The following CCSER1 variants were observed in gnomAD, a reference collection of about 807,000 sequenced individuals.
CCSER1 encodes serine-rich coiled-coil domain-containing protein 1.
A neutral mutation model predicts 82.0 loss-of-function variants in CCSER1; 41 were observed. The ratio of observed to expected loss-of-function variants is 0.50; its 90% CI spans 0.39 to 0.65. CCSER1 has a LOEUF of 0.65. CCSER1 is among the 30% of genes least tolerant of loss of function. The pLI is 0.00. For missense variants in CCSER1, 1,119 were observed against 1,064.2 expected (o/e 1.05, Z -0.72); for synonymous variants, 414 against 383.9 (o/e 1.08, Z -0.92).
intron 10 of CCSER1, among the ~76,000 whole-genome samples, chr4:91,403,406 C>T (rs1752473185): frequency 6.6e-6 from 1 of 152,082 alleles, no homozygotes; most frequent in Non-Finnish European, 1.5e-5. Flanking sequence ...TGCCTGACTG[C>T]CCTGGGCAGA....
intron 10 of CCSER1, among the ~76,000 whole-genome samples, chr4:91,446,198 T>G (rs1309293678): frequency 3.0e-5 from 2 of 67,406 alleles, no homozygotes; most frequent in African/African-American, 7.2e-5. Flanking sequence ...TTAAAAAGTT[T>G]TATTCCTCAT....
At chr4:91,466,797 G>A (rs1756939070) in intron 10 of CCSER1, among the ~76,000 whole-genome samples, 1 of 152,120 alleles carries the variant, frequency 6.6e-6, no homozygotes, top group Non-Finnish European at 1.5e-5. Flanking sequence ...CAACTTACAA[G>A]GGATGTGAAG....
chr4:90,143,603 A>G (rs1023354843), intron 1 of CCSER1, among the ~76,000 whole-genome samples: 1 of 152,018 alleles, frequency 6.6e-6, no homozygotes, highest in Non-Finnish European at 1.5e-5. Flanking sequence ...TATTGAATAA[A>G]TTAACTTTTC....
intron 3 of CCSER1, among the ~76,000 whole-genome samples, chr4:90,343,821 G>A (rs1741852153): frequency 1.3e-5 from 2 of 152,048 alleles, no homozygotes; most frequent in African/African-American, 2.4e-5. Flanking sequence ...GGCATGCAAT[G>A]TGTAAGAATC....
chr4:91,106,911 A>G (rs983342943), intron 10 of CCSER1, among the ~76,000 whole-genome samples: 1 of 152,232 alleles, frequency 6.6e-6, no homozygotes, highest in African/African-American at 2.4e-5. Flanking sequence ...TCAATCAAAT[A>G]TAGCCGTGTG....
intron 9 of CCSER1, among the ~76,000 whole-genome samples, chr4:91,048,119 A>G (rs1456755607): frequency 6.6e-6 from 1 of 152,008 alleles, no homozygotes; most frequent in Non-Finnish European, 1.5e-5. Flanking sequence ...CTGTGTAGCT[A>G]TTTAAGAGGT....
chr4:90,727,616 C>T (rs751748354), intron 7 of CCSER1, among the ~76,000 whole-genome samples: 14 of 152,058 alleles, frequency 9.2e-5, no homozygotes, highest in Non-Finnish European at 2.1e-4. Flanking sequence ...CACTACATTT[C>T]ACTGTTCTTT....
intron 10 of CCSER1, among the ~76,000 whole-genome samples, chr4:91,152,908 G>A (rs1023723566): frequency 6.6e-6 from 1 of 151,798 alleles, no homozygotes; most frequent in Non-Finnish European, 1.5e-5. Context: ...TTCCCTATTT[G>A]GGTAACCCAT....
At chr4:91,296,483 A>ATATATATATATATATATTATTTATT (rs1175690764) in intron 10 of CCSER1, among the ~76,000 whole-genome samples, 2 of 124,064 alleles carry the variant, frequency 1.6e-5, no homozygotes, top group African/African-American at 3.4e-5. Context: ...ATATATATAT[A>ATATATATATATATATATTATTTATT]TATTTTAATT....
chr4:91,005,486 C>T (rs527795374), intron 9 of CCSER1, among the ~76,000 whole-genome samples: 8 of 152,106 alleles, frequency 5.3e-5, no homozygotes, highest in African/African-American at 1.7e-4. Context: ...GATTGTTAAA[C>T]ACTAAAAGCA....
intron 10 of CCSER1, among the ~76,000 whole-genome samples, chr4:91,287,609 T>G (rs1364547025): frequency 6.6e-6 from 1 of 152,016 alleles, no homozygotes; most frequent in Non-Finnish European, 1.5e-5. Flanking sequence ...CAATGCCTAC[T>G]TGACTGTGCA....
chr4:90,564,277 A>C (rs1279048895), intron 5 of CCSER1, among the ~76,000 whole-genome samples: 2 of 152,090 alleles, frequency 1.3e-5, no homozygotes, highest in Non-Finnish European at 2.9e-5. Context: ...GCTGGTCTTG[A>C]ACTCTGGGCC....
In CCSER1 at chr4:90,964,461, TC is replaced by T. The variant is rs1240780174; in HGVS notation, c.2172+41015del. 2.0e-5 allele frequency among the ~76,000 whole-genome samples: 3 copies of T among 152,126 alleles called. No homozygotes were observed. In the South Asian group the frequency reaches 6.2e-4, roughly 32 times the overall value. On this transcript the variant is annotated intron_variant, in intron 9 of 10. Coordinates refer to ENST00000509176, the MANE Select transcript of CCSER1 (RefSeq NM_001145065.2). ...ACAAGGATAGGCCAGGCGTGGTGGC[TC>T]ACACTTGTAATCCCACACTTTGGGA...
chr4:90,998,095 T>A (rs1737659885), intron 9 of CCSER1, among the ~76,000 whole-genome samples: 2 of 152,180 alleles, frequency 1.3e-5, no homozygotes, highest in African/African-American at 4.8e-5. Context: ...TATTTCTTTT[T>A]TTGAGATACA....
intron 5 of CCSER1, among the ~76,000 whole-genome samples, chr4:90,557,734 G>A (rs1386267073): frequency 1.3e-5 from 2 of 152,062 alleles, no homozygotes; most frequent in African/African-American, 4.8e-5. Flanking sequence ...AGCAAACTCT[G>A]AAGGTGTTTC....
intron 6 of CCSER1, among the ~76,000 whole-genome samples, chr4:90,637,139 GT>G (rs1347215592): frequency 6.6e-6 from 1 of 152,152 alleles, no homozygotes; most frequent in Non-Finnish European, 1.5e-5. Flanking sequence ...CGTCTCATTA[GT>G]TTGCACTCAG....
At chr4:91,498,212 A>T (rs1759028886) in intron 10 of CCSER1, among the ~76,000 whole-genome samples, 1 of 152,008 alleles carries the variant, frequency 6.6e-6, no homozygotes. Context: ...AGGTTGAAGA[A>T]AATCAGTAAA....
At chr4:91,393,833 G>T (rs1027706381) in intron 10 of CCSER1, among the ~76,000 whole-genome samples, 1 of 152,088 alleles carries the variant, frequency 6.6e-6, no homozygotes, top group Non-Finnish European at 1.5e-5. Context: ...GAACACCTGT[G>T]CACTGTTGAA....
At chr4:91,567,937 T>C (rs561752026) in intron 10 of CCSER1, among the ~76,000 whole-genome samples, 8 of 152,126 alleles carry the variant, frequency 5.3e-5, no homozygotes, top group Non-Finnish European at 8.8e-5. Context: ...TTGGCTTGTT[T>C]TTGTGGTTGC....
Sources: allele counts gnomAD v4.1 joint callset (sites outside exome capture counted in the v4.1 genomes callset), GRCh38; gene constraint gnomAD v4.1.1; transcripts MANE v1.5; gene names NCBI Gene and HGNC (gene_info 2026-07-23, HGNC 2026-07-21).